ANK3: variants seen among roughly 807,000 people sequenced by gnomAD.
ANK3 encodes the protein ankyrin-3.
In ANK3, 57 loss-of-function variants were observed where a neutral mutation model predicts 370.9. The observed-to-expected ratio is 0.15, with a 90% CI of 0.12 to 0.19. The LOEUF (loss-of-function observed/expected upper bound fraction) is 0.19, where lower values mean the gene tolerates loss of function less well. Among genes scored for constraint, ANK3 ranks in the 10% least tolerant of loss-of-function variants. The pLI is 1.00. For missense variants in ANK3, 4,439 were observed against 5,302.1 expected, an observed-to-expected ratio of 0.84 and a Z score of 5.06; for synonymous variants, 1,929 against 1,946.3, an observed-to-expected ratio of 0.99 and a Z score of 0.23.
At chr10:60,257,211 T>A (rs2097753368) in intron 7 of ANK3, among the ~76,000 whole-genome samples, 1 of 152,198 alleles carries the variant, frequency 6.6e-6, no homozygotes, top group South Asian at 2.1e-4. Context: ...AAAGTAACCC[T>A]TTGTATGATT....
At chr10:60,586,520 T>A (rs1439743510) in intron 2 of ANK3, among the ~76,000 whole-genome samples, 1 of 152,150 alleles carries the variant, frequency 6.6e-6, no homozygotes, top group African/African-American at 2.4e-5. Context: ...AGTAACCAAC[T>A]GAGACTTTGG....
intron 43 of ANK3, among the ~76,000 whole-genome samples, chr10:60,034,085 T>TTG (rs1476779032): frequency 6.6e-6 from 1 of 150,804 alleles, no homozygotes; most frequent in African/African-American, 2.5e-5. Flanking sequence ...GTTTTTGTTT[T>TTG]TTTTTTTGTT....
At chr10:60,103,118 T>G (rs2091579360) in intron 28 of ANK3, among the ~76,000 whole-genome samples, 2 of 151,976 alleles carry the variant, frequency 1.3e-5, no homozygotes, top group Non-Finnish European at 2.9e-5. Flanking sequence ...GCCCAGCTAA[T>G]TTTTGTATTT....
rs1405277238 is a variant in ANK3, at chr10:60,070,436, G to A, written c.10445C>T (p.Ser3482Phe). The A allele has an allele frequency of 1.2e-6, 2 of 1,614,098 alleles. No homozygotes were observed. The highest frequency in any genetic ancestry group is 1.7e-6 in the Non-Finnish European group (2 of 1,180,012). ...AGTCTTTTCAGATGAAGAACTTTTA[G>A]AAGGTGGCTTGTCCTCATCTGGTCC... ...KVGPDEDKPP[S>F]KSSSSEKTPD... Residue 3482 changes from serine to phenylalanine, a missense_variant, in exon 37 of 44, where the codon TCT becomes TTT. Ser to Phe is a radical substitution (Grantham distance 155). Transcript: ENST00000280772. The surrounding 1 kb of genome is among the most constrained non-coding windows in gnomAD (Gnocchi z 5.7).
At chr10:60,542,818 C>A (rs77679949) in intron 2 of ANK3, among the ~76,000 whole-genome samples, 2 of 151,840 alleles carry the variant, frequency 1.3e-5, no homozygotes, top group African/African-American at 2.4e-5. Context: ...GCCCACTCGG[C>A]GCAGGTTGAG....
intron 38 of ANK3, among the ~76,000 whole-genome samples, chr10:60,065,252 T>C (rs1489216881): frequency 6.6e-6 from 1 of 152,212 alleles, no homozygotes; most frequent in Non-Finnish European, 1.5e-5. Flanking sequence ...GAAAGATACA[T>C]ATGATCTCAC....
At chr10:60,175,909 G>A (rs1462084128) in intron 18 of ANK3, among the ~76,000 whole-genome samples, 1 of 152,168 alleles carries the variant, frequency 6.6e-6, no homozygotes, top group Non-Finnish European at 1.5e-5. Flanking sequence ...AGGATTAACT[G>A]TTAACAATTA....
intron 1 of ANK3, among the ~76,000 whole-genome samples, chr10:60,355,869 A>G (rs886364520): frequency 8.0e-6 from 1 of 125,490 alleles, no homozygotes; most frequent in African/African-American, 2.6e-5. Flanking sequence ...TCCTTCCTTC[A>G]TTTATCCTTC....
chr10:60,281,407 C>T (rs1440196677), intron 1 of ANK3, among the ~76,000 whole-genome samples: 1 of 152,114 alleles, frequency 6.6e-6, no homozygotes, highest in Non-Finnish European at 1.5e-5. Context: ...GCCAAATGTC[C>T]CTTGGGGGAG....
chr10:60,326,771 C>T (rs1292653818), intron 1 of ANK3, among the ~76,000 whole-genome samples: 3 of 152,126 alleles, frequency 2.0e-5, no homozygotes, highest in Non-Finnish European at 4.4e-5. Context: ...CCTGTAATCC[C>T]AGCACTTCAG....
intron 1 of ANK3, among the ~76,000 whole-genome samples, chr10:60,699,954 C>G (rs1002574798): frequency 3.9e-5 from 6 of 152,044 alleles, no homozygotes; most frequent in African/African-American, 1.4e-4. Context: ...AATAGTTTTT[C>G]AAAATTCTTT....
chr10:60,313,309 G>A lies in ANK3; in HGVS notation c.115-33670C>T, dbSNP rs1219335247. On this transcript the variant is annotated intron_variant, in intron 1 of 43. Coordinates refer to ENST00000280772, the MANE Select transcript of ANK3 (RefSeq NM_020987.5). Reference sequence around the variant, plus strand: ...AACTTCTGAGTAATATATGAGTCACGGGGAAAAGGAATAAGCATATTTATG... The same window carrying A: ...AACTTCTGAGTAATATATGAGTCACAGGGAAAAGGAATAAGCATATTTATG... 5.3e-5 allele frequency among the ~76,000 whole-genome samples: 8 copies of A among 152,082 alleles called. No individual in the cohort carries two copies. The East Asian group carries it at 5.8e-4, about 11-fold the overall frequency.
At chr10:60,471,534 A>T (rs1246307522) in intron 2 of ANK3, among the ~76,000 whole-genome samples, 4 of 152,098 alleles carry the variant, frequency 2.6e-5, no homozygotes, top group Admixed American at 2.6e-4. Flanking sequence ...TAGGAAGACA[A>T]AGCTGCAATG....
At chr10:60,648,143 C>T (rs1234598217) in intron 1 of ANK3, among the ~76,000 whole-genome samples, 1 of 133,614 alleles carries the variant, frequency 7.5e-6, no homozygotes, top group Admixed American at 8.0e-5. Flanking sequence ...CTGCGGCCAG[C>T]CTCTTTTTTT....
chr10:60,045,995 A>G (rs953228570), intron 42 of ANK3, among the ~76,000 whole-genome samples: 3 of 152,018 alleles, frequency 2.0e-5, no homozygotes, highest in African/African-American at 4.8e-5. Flanking sequence ...TGGGCGGGAC[A>G]TTTAACTTGT....
chr10:60,544,214 A>G (rs1440180027), intron 2 of ANK3, among the ~76,000 whole-genome samples: 1 of 152,114 alleles, frequency 6.6e-6, no homozygotes, highest in Non-Finnish European at 1.5e-5. Flanking sequence ...CTGAGAGCCC[A>G]CTTAATGTGT....
At chr10:60,509,051 T>A (rs2076012171) in intron 2 of ANK3, among the ~76,000 whole-genome samples, 2 of 152,234 alleles carry the variant, frequency 1.3e-5, no homozygotes, top group East Asian at 3.9e-4. Context: ...AGTTTGCCAA[T>A]GTAGTTCTAG....
At position 60,527,174 on chromosome 10, in the gene ANK3, A is replaced by G. The variant is rs1279107526; in HGVS notation, c.96+88012T>C. Among the ~76,000 whole-genome samples, 4 of 152,160 alleles carry G rather than the reference A, an allele frequency of 2.6e-5. No homozygotes were observed. The South Asian group carries it at 6.2e-4, about 24-fold the overall frequency. On this transcript the variant is annotated intron_variant, in intron 2 of 43. Transcript: ENST00000373827. Reference sequence around the variant, plus strand: ...TGGCTCTTAGCACTGACTGAAAGCTAGAATCACCTAAACACCATTTAAAAA... The same window carrying G: ...TGGCTCTTAGCACTGACTGAAAGCTGGAATCACCTAAACACCATTTAAAAA...
At chr10:60,344,382 A>G (rs1594179805) in intron 1 of ANK3, among the ~76,000 whole-genome samples, 1 of 152,228 alleles carries the variant, frequency 6.6e-6, no homozygotes, top group Admixed American at 6.5e-5. Context: ...AAACAATAAT[A>G]TAGTTACTAA....
Sources: allele counts gnomAD v4.1 joint callset (sites outside exome capture counted in the v4.1 genomes callset), GRCh38; gene constraint gnomAD v4.1.1; non-coding constraint Gnocchi (gnomAD v3.1); transcripts MANE v1.5; gene names NCBI Gene and HGNC (gene_info 2026-07-23, HGNC 2026-07-21).